Variants in FRYL observed in about 807,000 individuals in gnomAD.
FRYL encodes protein furry homolog-like.
A neutral mutation model predicts 351.2 loss-of-function variants in FRYL; 150 were observed. The observed-to-expected ratio is 0.43, with a 90% CI of 0.37 to 0.49. FRYL has a LOEUF of 0.49. Ranked by LOEUF, FRYL falls within the 20% of genes least tolerant of loss-of-function variation. The pLI is 0.00. For missense variants in FRYL, 3,036 were observed against 3,619.3 expected (o/e 0.84, Z 4.13); for synonymous variants, 1,153 against 1,257.1 (o/e 0.92, Z 1.75).
At chr4:48,653,867 T>A (rs1409353141) in intron 3 of FRYL, 65 of 1,284,628 alleles carry the variant, frequency 5.1e-5, no homozygotes, top group Non-Finnish European at 6.4e-5. Context: ...GTTTTGCCGT[T>A]CTGTCTCTCC....
At chr4:48,750,135 TAAAAAAA>T (rs573603384) in intron 1 of FRYL, among the ~76,000 whole-genome samples, 6 of 77,956 alleles carry the variant, frequency 7.7e-5, no homozygotes, top group African/African-American at 2.0e-4. Flanking sequence ...CTCCATCTAT[TAAAAAAA>T]AAAAAAAAAA....
At chr4:48,740,367 T>C (rs537564918) in intron 1 of FRYL, among the ~76,000 whole-genome samples, 13 of 145,308 alleles carry the variant, frequency 8.9e-5, no homozygotes, top group Non-Finnish European at 1.8e-4. Context: ...CGATTTCTGC[T>C]CACCGCAACT....
chr4:48,718,701 A>G (rs971647067), intron 1 of FRYL, among the ~76,000 whole-genome samples: 2 of 151,528 alleles, frequency 1.3e-5, no homozygotes, highest in African/African-American at 4.8e-5. Flanking sequence ...TCAACCCTTC[A>G]AATTCAAGAC....
chr4:48,499,515 A>G lies in FRYL; in HGVS notation c.8949T>C (p.Asn2983=), dbSNP rs1719070323. The G allele has an allele frequency of 6.2e-7, 1 of 1,613,994 alleles. No homozygotes were observed. The highest frequency in any genetic ancestry group is 8.5e-7 in the Non-Finnish European group (1 of 1,179,978). The change falls in exon 64 of 64, where the codon AAT becomes AAC. Residue 2983 remains asparagine (N), a synonymous_variant. Transcript: ENST00000358350. ...SEANYKLMEL[N]LEIRESLRMV... is the part of the protein sequence containing the mutation. ...TGCGTAGAGACTCTCTTATTTCCAGATTAAGTTCCATCAGTTTGTAGTTGG... is the reference window on the plus strand; with the variant it reads ...TGCGTAGAGACTCTCTTATTTCCAGGTTAAGTTCCATCAGTTTGTAGTTGG...
chr4:48,554,254 T>A (rs1733571184), intron 35 of FRYL, among the ~76,000 whole-genome samples: 1 of 152,298 alleles, frequency 6.6e-6, no homozygotes, highest in East Asian at 1.9e-4. Context: ...TCAGAATGAT[T>A]CGTATTTTTA....
chr4:48,724,616 C>T (rs1332040962), intron 1 of FRYL, among the ~76,000 whole-genome samples: 1 of 152,202 alleles, frequency 6.6e-6, no homozygotes, highest in African/African-American at 2.4e-5. Context: ...TCCCCAACAT[C>T]ATCTCCTGGG....
intron 62 of FRYL, among the ~76,000 whole-genome samples, chr4:48,500,469 T>C (rs552270435): frequency 7.2e-5 from 11 of 152,348 alleles, no homozygotes; most frequent in South Asian, 4.1e-4. Context: ...AATGTCTATA[T>C]TGGTTTTAAT....
intron 23 of FRYL, among the ~76,000 whole-genome samples, chr4:48,577,663 C>G (rs1739923426): frequency 6.6e-6 from 1 of 152,010 alleles, no homozygotes; most frequent in South Asian, 2.1e-4. Flanking sequence ...TTAGGGAAGG[C>G]TACTTAAGGT....
chr4:48,505,895 T>G (rs1720806472), intron 59 of FRYL: 1 of 313,408 alleles, frequency 3.2e-6, no homozygotes, highest in South Asian at 9.8e-5. Flanking sequence ...AAGGATATTC[T>G]TCATTTTGCA....
Position 48,654,309 on chromosome 4 carries a change from A to AC in FRYL, c.-80-19820_-80-19819insG, listed in dbSNP as rs1432953901. ...CCTTAATAGCTGATCAAAAAAAAAA[A>AC]AAAAACAAAAACAAAAACAAAAAAA... On this transcript the variant is annotated intron_variant, in intron 3 of 63. Transcript: ENST00000358350. Among the ~76,000 whole-genome samples the AC allele has an allele frequency of 1.0e-3, 154 of 146,828 alleles. 2 individuals are homozygous for AC. The highest frequency in any genetic ancestry group is 3.5e-3 in the Middle Eastern group (1 of 286).
intron 60 of FRYL, among the ~76,000 whole-genome samples, chr4:48,504,447 G>A (rs978286142): frequency 6.6e-6 from 1 of 152,052 alleles, no homozygotes; most frequent in Non-Finnish European, 1.5e-5. Context: ...CCTAGTTTTT[G>A]TAGGAAAAAA....
In FRYL at chr4:48,603,384, A is replaced by G; in HGVS notation, c.839T>C (p.Val280Ala). The change falls in exon 12 of 64, where the codon GTT becomes GCT. Residue 280 changes from valine to alanine, a missense_variant. Coordinates refer to ENST00000358350, the MANE Select transcript of FRYL (RefSeq NM_015030.2). ...VEILIPVAAAVKNEVNVPCLK... is the reference protein window; with the variant it reads ...VEILIPVAAAAKNEVNVPCLK... ...ACAGGGAACATTCACTTCATTTTTA[A>G]CAGCCTAGTAAAAAGATAATGCAAA... The G allele has an allele frequency of 6.3e-7, 1 of 1,588,378 alleles. No individual in the cohort carries two copies. Among genetic ancestry groups the G allele is most frequent in the Non-Finnish European group, 8.6e-7 (1 of 1,158,990 alleles).
chr4:48,586,537 A>G lies in FRYL; in HGVS notation c.1748+84T>C. 7 of 854,108 alleles carry G rather than the reference A, an allele frequency of 8.2e-6. No homozygotes were observed. The South Asian group carries it at 1.0e-4, about 12-fold the overall frequency. The allele number at this position is 854,108 out of a possible 1,614,324, so 52.9% of individuals were successfully genotyped here. A position where few individuals can be genotyped will look rare whatever the true frequency, so the allele number is the denominator to read the frequency against. ...GAAATGTCTTTAACATCGCCTTTTT[A>G]GTGATAACAGTAACAAAGGTATATT... On this transcript the variant is annotated intron_variant, in intron 19 of 63. Coordinates refer to ENST00000358350, the MANE Select transcript of FRYL (RefSeq NM_015030.2).
intron 26 of FRYL, among the ~76,000 whole-genome samples, chr4:48,571,487 T>A (rs1738315071): frequency 6.6e-6 from 1 of 152,376 alleles, no homozygotes; most frequent in East Asian, 1.9e-4. Flanking sequence ...ATTCTGCTTC[T>A]AGCAGAAAGT....
At chr4:48,767,455 T>TAC (rs1775082618) in intron 1 of FRYL, among the ~76,000 whole-genome samples, 1 of 152,098 alleles carries the variant, frequency 6.6e-6, no homozygotes. Context: ...ATCATGCACA[T>TAC]ACACACACAA....
chr4:48,618,675 T>C (rs187525796), intron 7 of FRYL: 1 of 151,542 alleles, frequency 6.6e-6, no homozygotes, highest in Non-Finnish European at 1.5e-5. Flanking sequence ...TACCTGACAC[T>C]ATATTATATA....
At position 48,546,106 on chromosome 4, in the gene FRYL, T is replaced by A. The variant is rs1390368013; in HGVS notation, c.5240A>T (p.Asp1747Val). The change falls in exon 42 of 64, where the codon GAT becomes GTT. Residue 1747 changes from aspartate to valine, a missense_variant. Asp to Val is a radical substitution (Grantham distance 152). Transcript: ENST00000358350. ...TTCCATGAGGGTTTTGACTTTTCCA[T>A]CCTGCTCCACTGAGATGTCAACCTC... The part of the protein sequence containing the change: ...LNEVDISVEQ[D>V]GKVKTLMEFI... The A allele has an allele frequency of 1.9e-6, 3 of 1,613,520 alleles. No homozygotes were observed. The highest frequency in any genetic ancestry group is 2.5e-6 in the Non-Finnish European group (3 of 1,179,804).
intron 3 of FRYL, among the ~76,000 whole-genome samples, chr4:48,669,614 ATTT>A (rs955319572): frequency 6.7e-6 from 1 of 148,712 alleles, no homozygotes; most frequent in Non-Finnish European, 1.5e-5. Flanking sequence ...GATATATATA[ATTT>A]TTATTACATA....
At chr4:48,713,146 C>G (rs1192703716) in intron 1 of FRYL, among the ~76,000 whole-genome samples, 2 of 151,922 alleles carry the variant, frequency 1.3e-5, no homozygotes, top group Non-Finnish European at 2.9e-5. Context: ...TAAAGACCAT[C>G]GAGACTAGGA....
Sources: allele counts gnomAD v4.1 joint callset (sites outside exome capture counted in the v4.1 genomes callset), GRCh38; gene constraint gnomAD v4.1.1; transcripts MANE v1.5; gene names NCBI Gene and HGNC (gene_info 2026-07-23, HGNC 2026-07-21).